MARCHF1: variants seen among roughly 807,000 people sequenced by gnomAD.
MARCHF1 encodes membrane associated ring-CH-type finger 1.
Under a neutral mutation model 54.2 loss-of-function variants are expected in MARCHF1, and 40 were observed. The ratio of observed to expected loss-of-function variants is 0.74; its 90% confidence interval spans 0.57 to 0.96. The LOEUF (loss-of-function observed/expected upper bound fraction) is 0.96. Among genes scored for constraint, MARCHF1 ranks in the 40% least tolerant of loss-of-function variants. The pLI, the probability that MARCHF1 is intolerant of heterozygous loss-of-function variation, is 0.00. For synonymous variants in MARCHF1, 236 were observed against 236.3 expected, an observed-to-expected ratio of 1.00 and a Z score of 0.01; for missense variants, 586 against 656.5, an observed-to-expected ratio of 0.89 and a Z score of 1.17.
intron 2 of MARCHF1, among the ~76,000 whole-genome samples, chr4:164,042,440 G>A (rs1428063309): frequency 6.6e-6 from 1 of 152,112 alleles, no homozygotes; most frequent in Non-Finnish European, 1.5e-5. Flanking sequence ...AGAGCAAAGA[G>A]GGGAGGTGCC....
At position 163,613,334 on chromosome 4, in the gene MARCHF1, T is replaced by C. The variant is rs781236474; in HGVS notation, c.222A>G (p.Pro74=). ...PRSQSRLSVC[P]STQDICRSAI... ...CTTACCTGCAGATGTCCTGAGTGGA[T>C]GGACAGACAGACAACCTTGACTGGC... The change falls in exon 6 of 10, where the codon CCA becomes CCG. Residue 74 remains proline, a synonymous_variant. Coordinates refer to ENST00000514618, the MANE Select transcript of MARCHF1 (RefSeq NM_001394959.1). The C allele has an allele frequency of 1.2e-6, 2 of 1,612,552 alleles. No homozygotes were observed. The highest frequency in any genetic ancestry group is 1.7e-6 in the Non-Finnish European group (2 of 1,179,322).
intron 1 of MARCHF1, among the ~76,000 whole-genome samples, chr4:164,185,683 T>C (rs969431060): frequency 2.6e-5 from 4 of 151,990 alleles, no homozygotes; most frequent in Non-Finnish European, 4.4e-5. Flanking sequence ...TTTTTTCCCA[T>C]TGAGATAAGA....
intron 1 of MARCHF1, among the ~76,000 whole-genome samples, chr4:164,207,065 T>C (rs1731626580): frequency 6.6e-6 from 1 of 152,226 alleles, no homozygotes; most frequent in Non-Finnish European, 1.5e-5. Flanking sequence ...ATTTATTGTA[T>C]AAACTCTTTT....
intron 2 of MARCHF1, chr4:164,055,132 G>C (rs1365396559): frequency 6.6e-6 from 1 of 152,056 alleles, no homozygotes; most frequent in African/African-American, 2.4e-5. Flanking sequence ...TAATAAGCCT[G>C]AATAATGTAA....
chr4:164,230,020 C>A (rs559845708), intron 1 of MARCHF1, among the ~76,000 whole-genome samples: 1 of 152,158 alleles, frequency 6.6e-6, no homozygotes, highest in Non-Finnish European at 1.5e-5. Flanking sequence ...CTCAAGCAAT[C>A]TTCCTACTTC....
rs561074797 is a variant in MARCHF1, at chr4:163,881,487, A to T, written c.-38-27318T>A. On this transcript the variant is annotated intron_variant, in intron 3 of 9. Transcript: ENST00000514618. ...ACTCCATCTCAAAAGAAAAAAAAAAATTATCCAACAAATGTGGATTTGGCA... is the reference window on the plus strand; with the variant it reads ...ACTCCATCTCAAAAGAAAAAAAAAATTTATCCAACAAATGTGGATTTGGCA... Among the ~76,000 whole-genome samples, 38 of 151,266 alleles carry T rather than the reference A, an allele frequency of 2.5e-4. 1 individual carries two copies. The East Asian group carries it at 7.2e-3, about 28-fold the overall frequency.
At chr4:163,912,089 TA>T (rs1751203245) in intron 3 of MARCHF1, among the ~76,000 whole-genome samples, 2 of 150,690 alleles carry the variant, frequency 1.3e-5, no homozygotes, top group African/African-American at 2.5e-5. Context: ...TTCCATGTTT[TA>T]GTTCTAGACA....
At chr4:163,905,401 A>T in intron 3 of MARCHF1, among the ~76,000 whole-genome samples, 1 of 152,138 alleles carries the variant, frequency 6.6e-6, no homozygotes, top group East Asian at 1.9e-4. Context: ...CAGACTGTTT[A>T]TCTACAGCTT....
At chr4:163,553,582 A>G (rs1413297925) in intron 8 of MARCHF1, among the ~76,000 whole-genome samples, 3 of 152,246 alleles carry the variant, frequency 2.0e-5, no homozygotes, top group African/African-American at 7.2e-5. Context: ...AGATGGCACA[A>G]TGATGGCTTC....
At chr4:164,094,114 G>A (rs188442889) in intron 2 of MARCHF1, among the ~76,000 whole-genome samples, 90 of 152,214 alleles carry the variant, frequency 5.9e-4, no homozygotes, top group Admixed American at 1.5e-3. Flanking sequence ...GTTTGGGTCT[G>A]TCTTCTGTCT....
intron 1 of MARCHF1, among the ~76,000 whole-genome samples, chr4:164,176,972 C>CTATATA (rs1253065832): frequency 1.8e-5 from 1 of 56,820 alleles, no homozygotes; most frequent in Non-Finnish European, 3.1e-5. Flanking sequence ...CTCTCTCTCT[C>CTATATA]TCTCTCTCTA....
chr4:164,327,154 T>C (rs1261802767), intron 1 of MARCHF1, among the ~76,000 whole-genome samples: 4 of 152,160 alleles, frequency 2.6e-5, no homozygotes, highest in African/African-American at 4.8e-5. Context: ...ATCAGAAATA[T>C]AGTCTTAACT....
chr4:164,002,261 T>C (rs78454058), intron 2 of MARCHF1, among the ~76,000 whole-genome samples: 4,741 of 151,742 alleles, frequency 0.031, 173 homozygotes, highest in Admixed American at 0.082. Context: ...AGGTCAGTGA[T>C]GTCAAAGAGT....
At chr4:163,911,671 GAGAAAAAAACCTTTAAA>G (rs974987662) in intron 3 of MARCHF1, among the ~76,000 whole-genome samples, 52 of 152,030 alleles carry the variant, frequency 3.4e-4, no homozygotes, top group Non-Finnish European at 6.3e-4. Context: ...ACTGTATTTT[GAGAAAAAAACCTTTAAA>G]AGGGCAATTA....
intron 7 of MARCHF1, among the ~76,000 whole-genome samples, chr4:163,606,017 G>C (rs1328846955): frequency 6.6e-6 from 1 of 152,084 alleles, no homozygotes; most frequent in Non-Finnish European, 1.5e-5. Context: ...TAACAAACCT[G>C]CACGTTCTGC....
At chr4:163,962,785 T>A (rs1014891747) in intron 3 of MARCHF1, among the ~76,000 whole-genome samples, 1 of 152,014 alleles carries the variant, frequency 6.6e-6, no homozygotes, top group South Asian at 2.1e-4. Flanking sequence ...TAAAATCCTA[T>A]ACCACTTTTT....
chr4:163,861,251 C>T (rs1404553830), intron 3 of MARCHF1, among the ~76,000 whole-genome samples: 21 of 151,966 alleles, frequency 1.4e-4, no homozygotes, highest in Admixed American at 1.4e-3. Flanking sequence ...AACTTCAGAA[C>T]TGAAATGAAA....
intron 2 of MARCHF1, among the ~76,000 whole-genome samples, chr4:164,002,060 A>G (rs1370003079): frequency 6.6e-6 from 1 of 151,778 alleles, no homozygotes; most frequent in Non-Finnish European, 1.5e-5. Flanking sequence ...TAAAGATTAA[A>G]ACAAGCCTCT....
intron 1 of MARCHF1, among the ~76,000 whole-genome samples, chr4:164,362,081 C>CA (rs1262635554): frequency 7.9e-5 from 12 of 151,884 alleles, no homozygotes; most frequent in African/African-American, 1.4e-4. Context: ...GGTTTTATCA[C>CA]AAAAAATGTA....
Sources: allele counts gnomAD v4.1 joint callset (sites outside exome capture counted in the v4.1 genomes callset), GRCh38; gene constraint gnomAD v4.1.1; transcripts MANE v1.5; gene names NCBI Gene and HGNC (gene_info 2026-07-23, HGNC 2026-07-21).